Variants in PCDHA3 observed in about 807,000 individuals in gnomAD.
PCDHA3 encodes the protein protocadherin alpha 3, also known as protocadherin alpha-3.
A neutral mutation model predicts 62.2 loss-of-function variants in PCDHA3; 41 were observed. That is an observed-to-expected ratio of 0.66 (90% CI 0.51 to 0.86). The LOEUF is 0.86. Among genes scored for constraint, PCDHA3 ranks in the 40% least tolerant of loss-of-function variants. The pLI is 0.00. For missense variants in PCDHA3, 1,304 were observed against 1,241.2 expected (o/e 1.05, Z -0.76); for synonymous variants, 640 against 555.4 (o/e 1.15, Z -2.14).
chr5:140,890,259 T>C (rs1303485467), intron 1 of PCDHA3, among the ~76,000 whole-genome samples: 2 of 152,140 alleles, frequency 1.3e-5, no homozygotes, highest in Admixed American at 6.6e-5. Flanking sequence ...CTGCACCTGA[T>C]TGCAAGCAAG....
Position 140,849,731 on chromosome 5 carries a change from T to C in PCDHA3, c.2394+46140T>C, listed in dbSNP as rs2150447251. 21,072 of 1,598,236 alleles carry C rather than the reference T, an allele frequency of 0.013. 2,656 individuals are homozygous for C. In the African/African-American group the frequency reaches 0.2, roughly 15 times the overall value. ...ACTACTCGTTGGTGCTGGACAGAGC[T>C]CTGGACCGCGAGAGTGTGTCCGCCT... is the stretch of plus-strand genomic sequence containing the variant. On this transcript the variant is annotated intron_variant, in intron 1 of 3. Transcript: ENST00000522353.
intron 1 of PCDHA3, chr5:140,927,924 T>C: frequency 1.2e-6 from 2 of 1,614,204 alleles, no homozygotes; most frequent in Non-Finnish European, 1.7e-6. Context: ...ACTTCCTGAC[T>C]CTTTCGAACC....
chr5:140,984,550 A>C (rs1486017679), intron 3 of PCDHA3, among the ~76,000 whole-genome samples: 1 of 152,134 alleles, frequency 6.6e-6, no homozygotes, highest in Non-Finnish European at 1.5e-5. Flanking sequence ...GATAGAGCTT[A>C]CATCTTCCAA....
At chr5:140,809,652 C>A in intron 1 of PCDHA3, 1 of 1,493,130 alleles carries the variant, frequency 6.7e-7, no homozygotes, top group South Asian at 1.4e-5. Flanking sequence ...TTCTAAGAGT[C>A]AAATTTCCCT....
At chr5:140,830,536 T>A (rs1771118020) in intron 1 of PCDHA3, 1 of 1,240,846 alleles carries the variant, frequency 8.1e-7, no homozygotes, top group Non-Finnish European at 1.1e-6. Context: ...AATTTATAAT[T>A]GTTTTCCTCA....
At chr5:140,830,335 G>C (rs1236321619) in intron 1 of PCDHA3, 10 of 1,613,956 alleles carry the variant, frequency 6.2e-6, no homozygotes, top group Non-Finnish European at 3.4e-6. Flanking sequence ...TGGGGAGCTG[G>C]TCGTACTCGC....
intron 1 of PCDHA3, chr5:140,878,044 G>A (rs1554170271): frequency 1.9e-6 from 1 of 516,218 alleles, no homozygotes; most frequent in Admixed American, 3.9e-5. Flanking sequence ...TGGAGGCCAT[G>A]GAGCACCACA....
At position 140,856,829 on chromosome 5, in the gene PCDHA3, A is replaced by G. The variant is rs781823533; in HGVS notation, c.2394+53238A>G. The G allele has an allele frequency of 3.4e-5, 54 of 1,592,340 alleles. 7 individuals are homozygous for G. The highest frequency in any genetic ancestry group is 4.6e-5 in the Non-Finnish European group (54 of 1,162,524). ...AAATCAAGTGAACCAAACATTAGTA[A>G]TACGGCTCAACGCTTCTGATTCGGA... On this transcript the variant is annotated intron_variant, in intron 1 of 3. Coordinates refer to ENST00000522353, the MANE Select transcript of PCDHA3 (RefSeq NM_018906.3).
At chr5:140,924,901 A>AAAAATAAAAT (rs10667761) in intron 1 of PCDHA3, among the ~76,000 whole-genome samples, 205 of 80,488 alleles carry the variant, frequency 2.5e-3, no homozygotes, top group South Asian at 0.019. Flanking sequence ...TCTCAAAAAA[A>AAAAATAAAAT]AAAATAAAAT....
chr5:140,857,750 C>T (rs781977975), intron 1 of PCDHA3: 1 of 1,597,430 alleles, frequency 6.3e-7, no homozygotes, highest in Non-Finnish European at 8.6e-7. Context: ...GCTGGCGTCT[C>T]CCGCTGGCAG....
At chr5:140,906,403 T>A (rs1583592944) in intron 1 of PCDHA3, among the ~76,000 whole-genome samples, 1 of 152,220 alleles carries the variant, frequency 6.6e-6, no homozygotes, top group East Asian at 1.9e-4. Context: ...AATTTTCATA[T>A]GAAGTCAATA....
intron 1 of PCDHA3, among the ~76,000 whole-genome samples, chr5:140,945,201 T>C (rs1168662297): frequency 2.6e-5 from 4 of 152,054 alleles, no homozygotes; most frequent in Non-Finnish European, 5.9e-5. Flanking sequence ...CTATTTACAA[T>C]AGCTATGAGA....
chr5:140,998,596 C>G (rs1301065712), intron 3 of PCDHA3, among the ~76,000 whole-genome samples: 1 of 148,578 alleles, frequency 6.7e-6, no homozygotes, highest in Non-Finnish European at 1.5e-5. Flanking sequence ...CAGAGTTTTG[C>G]TCTTGTTGCC....
intron 3 of PCDHA3, among the ~76,000 whole-genome samples, chr5:140,986,828 G>A (rs1001117075): frequency 3.9e-5 from 6 of 152,146 alleles, no homozygotes; most frequent in Non-Finnish European, 5.9e-5. Flanking sequence ...TTTAGACAAT[G>A]GTTCTCAAAG....
chr5:140,887,245 C>T (rs1200820177), intron 1 of PCDHA3, among the ~76,000 whole-genome samples: 2 of 151,924 alleles, frequency 1.3e-5, no homozygotes, highest in East Asian at 1.9e-4. Context: ...TACCGGCGCC[C>T]GCCACCACGC....
rs782098091 is a variant in PCDHA3 at position 140,802,239 on chromosome 5, C to A, written c.1042C>A (p.Pro348Thr). 2.5e-6 allele frequency: 4 copies of A among 1,614,070 alleles called. No homozygotes were observed. The African/African-American group carries it at 4.0e-5, about 16-fold the overall frequency. ...AATTGTGGACATCAATGATAATGTA[C>A]CTGAGTTAGTTATTCAATCACTATC... Reference protein sequence around the residue: ...LEIVDINDNVPELVIQSLSLP... With the variant: ...LEIVDINDNVTELVIQSLSLP... The change falls in exon 1 of 4, where the codon CCT becomes ACT. Residue 348 changes from proline to threonine, a missense_variant. Physicochemically the swap from Pro to Thr is conservative, Grantham distance 38. Transcript: ENST00000522353.
At chr5:140,979,104 A>G (rs1563470833) in intron 2 of PCDHA3, 97 bp downstream of exon 2, 3 of 1,539,000 alleles carry the variant, frequency 1.9e-6, no homozygotes, top group Admixed American at 2.2e-5. Context: ...TGTCAAAACT[A>G]AAAAGCTTTA....
At chr5:141,005,440 A>C (rs1174431656) in intron 3 of PCDHA3, among the ~76,000 whole-genome samples, 3 of 152,112 alleles carry the variant, frequency 2.0e-5, no homozygotes, top group African/African-American at 7.2e-5. Flanking sequence ...TGAGAGGCTC[A>C]CGCCTGTAAT....
intron 1 of PCDHA3, chr5:140,851,516 T>TA: frequency 2.2e-6 from 2 of 906,324 alleles, no homozygotes; most frequent in Non-Finnish European, 2.7e-6. Context: ...AAATATGTTT[T>TA]AAAATGCCTG....
Sources: gnomAD v4.1 joint callset for allele counts (sites outside exome capture counted in the v4.1 genomes callset) on GRCh38, gnomAD v4.1.1 for gene constraint, MANE v1.5 for transcripts, NCBI Gene and HGNC (gene_info 2026-07-23, HGNC 2026-07-21) for gene names.